The following MXI1 variants were observed in gnomAD, a reference collection of about 807,000 sequenced individuals.
The protein encoded by MXI1 is max-interacting protein 1.
MXI1 carries 18 observed loss-of-function variants against 36.9 expected under a neutral mutation model. The observed-to-expected ratio is 0.49, with a 90% CI of 0.34 to 0.72. The LOEUF (loss-of-function observed/expected upper bound fraction) is 0.72, where lower values mean the gene tolerates loss of function less well. Among genes scored for constraint, MXI1 ranks in the 30% least tolerant of loss-of-function variants. The probability of loss-of-function intolerance (pLI) is 0.01; values close to 1 mark genes in which losing one functional copy is unlikely to be tolerated. For synonymous variants in MXI1, 160 were observed against 146.7 expected (o/e 1.09, Z -0.65); for missense variants, 304 against 379.1 (o/e 0.80, Z 1.64).
intron 2 of MXI1, among the ~76,000 whole-genome samples, chr10:110,241,910 G>A (rs1412686376): frequency 6.6e-6 from 1 of 152,012 alleles, no homozygotes; most frequent in African/African-American, 2.4e-5. Context: ...TTTTACAGAT[G>A]AGGAAACTGT....
intron 1 of MXI1, chr10:110,210,241 G>A (rs1272495095): frequency 1.0e-6 from 1 of 985,014 alleles, no homozygotes; most frequent in Non-Finnish European, 1.2e-6. Flanking sequence ...CATCGCCCGA[G>A]GCGTCCGCCC....
intron 1 of MXI1, among the ~76,000 whole-genome samples, chr10:110,218,871 T>C (rs1323718141): frequency 6.6e-6 from 1 of 152,130 alleles, no homozygotes; most frequent in Non-Finnish European, 1.5e-5. Context: ...GAGAGGCAAG[T>C]GTGAGCTGCA....
intron 3 of MXI1, among the ~76,000 whole-genome samples, chr10:110,260,416 GGTGTGTGTGT>G (rs151334728): frequency 0.27 from 39,400 of 144,520 alleles, 5,710 homozygotes; most frequent in African/African-American, 0.39. Flanking sequence ...CCTTGATACA[GGTGTGTGTGT>G]GTGTGTGTGT....
At chr10:110,217,916 G>C (rs1854693756) in intron 1 of MXI1, among the ~76,000 whole-genome samples, 1 of 152,144 alleles carries the variant, frequency 6.6e-6, no homozygotes, top group Non-Finnish European at 1.5e-5. Context: ...TTTACTATGG[G>C]CCAGCACAAT....
chr10:110,226,449 TGTG>T (rs1296896430), intron 1 of MXI1: 2 of 240,060 alleles, frequency 8.3e-6, no homozygotes, highest in African/African-American at 1.1e-4. Context: ...AGCGCGCGTG[TGTG>T]GGGAGGGGCG....
At chr10:110,249,006 T>A (rs1020792360) in intron 3 of MXI1, among the ~76,000 whole-genome samples, 1 of 152,138 alleles carries the variant, frequency 6.6e-6, no homozygotes, top group African/African-American at 2.4e-5. Context: ...ATTTTTAAAA[T>A]TTAACCCTGT....
chr10:110,243,421 C>T (rs1464569867), intron 2 of MXI1, among the ~76,000 whole-genome samples: 1 of 151,966 alleles, frequency 6.6e-6, no homozygotes, highest in African/African-American at 2.4e-5. Context: ...GTCTTTTGGC[C>T]CTTAAGCTAA....
In MXI1 at chr10:110,208,047, C is replaced by T. The variant is rs1590315272; in HGVS notation, c.239C>T (p.Ala80Val). ...AACGTGCAGATTCTGCTCGAGGCCGCCAGCTACCTGGAGCAGATCGAGAAA... is the reference window on the plus strand; with the variant it reads ...AACGTGCAGATTCTGCTCGAGGCCGTCAGCTACCTGGAGCAGATCGAGAAA... ...LQNVQILLEA[A>V]SYLEQIEKEN... is the part of the protein sequence containing the mutation. The change falls in exon 1 of 6, where the codon GCC becomes GTC. Residue 80 changes from alanine (A) to valine (V), a missense_variant. By Grantham distance (64) the Ala-to-Val change is moderately conservative. Transcript: ENST00000332674. The T allele has an allele frequency of 6.2e-7, 1 of 1,601,858 alleles. No homozygotes were observed. The highest frequency in any genetic ancestry group is 1.1e-5 in the South Asian group (1 of 89,612).
intron 5 of MXI1, among the ~76,000 whole-genome samples, chr10:110,283,146 C>T (rs1857317418): frequency 6.6e-6 from 1 of 152,176 alleles, no homozygotes; most frequent in Non-Finnish European, 1.5e-5. Flanking sequence ...ATTTGGACAG[C>T]TGCCTACATT....
intron 5 of MXI1, among the ~76,000 whole-genome samples, chr10:110,283,264 C>CT (rs573643785): frequency 0.43 from 61,647 of 143,988 alleles, 15,606 homozygotes; most frequent in East Asian, 0.83. Flanking sequence ...CAAGAATCCA[C>CT]TTTTTTTTTT....
intron 2 of MXI1, among the ~76,000 whole-genome samples, chr10:110,239,084 G>A (rs920513319): frequency 9.9e-5 from 15 of 151,944 alleles, no homozygotes; most frequent in African/African-American, 2.4e-4. Flanking sequence ...CCTGTCCTTG[G>A]TTTTTATTAT....
At chr10:110,240,913 T>G (rs949170421) in intron 2 of MXI1, among the ~76,000 whole-genome samples, 2 of 152,026 alleles carry the variant, frequency 1.3e-5, no homozygotes, top group Admixed American at 1.3e-4. Context: ...GAAGAGAGTA[T>G]TGAAATTCTG....
Position 110,234,306 on chromosome 10 carries a change from T to A in MXI1, c.407+5985T>A, listed in dbSNP as rs11195040. Among the ~76,000 whole-genome samples, 8 of 152,312 alleles carry A rather than the reference T, an allele frequency of 5.3e-5. No individual in the cohort carries two copies. The East Asian group carries it at 1.5e-3, about 29-fold the overall frequency. On this transcript the variant is annotated intron_variant, in intron 2 of 5. Transcript: ENST00000332674. ...TAGATACTAATCTAATCAAAGAGGC[T>A]TGATGGTATGCTTTGACAGAGTGTA...
chr10:110,212,635 A>G (rs1165533679), intron 1 of MXI1, among the ~76,000 whole-genome samples: 1 of 152,138 alleles, frequency 6.6e-6, no homozygotes, highest in Non-Finnish European at 1.5e-5. Flanking sequence ...TTGCTACTCT[A>G]CTGCTTACTG....
In MXI1 at chr10:110,244,040, A is replaced by G. The variant is rs144893724; in HGVS notation, c.408-788A>G. On this transcript the variant is annotated intron_variant, in intron 2 of 5. Coordinates refer to ENST00000332674, the MANE Select transcript of MXI1 (RefSeq NM_130439.3). ...ATATTTCTTGACTTCTCTGAGCTTCAGTATTCTTGATTATAAAACAAAGGT... is the reference window on the plus strand; with the variant it reads ...ATATTTCTTGACTTCTCTGAGCTTCGGTATTCTTGATTATAAAACAAAGGT... Among the ~76,000 whole-genome samples the G allele has an allele frequency of 9.3e-4, 142 of 152,166 alleles. 1 individual carries two copies. The highest frequency in any genetic ancestry group is 3.4e-3 in the Middle Eastern group (1 of 294).
Position 110,285,956 on chromosome 10 carries a change from TA to T in MXI1, c.*970del, listed in dbSNP as rs1857418269. On this transcript the variant is annotated 3_prime_UTR_variant, in exon 6 of 6. Coordinates refer to ENST00000332674, the MANE Select transcript of MXI1 (RefSeq NM_130439.3). ...TTTAAAGCTTATCCATAAAAAAAAA[TA>T]GATGTCTTTTATAGTGGAAAAACAC... The T allele has an allele frequency of 6.6e-6, 1 of 152,508 alleles. No individual in the cohort carries two copies. Among genetic ancestry groups the T allele is most frequent in the African/African-American group, 2.4e-5 (1 of 41,400 alleles). 9.4% of individuals were successfully genotyped at this position (152,508 alleles called of 1,614,324 possible). A position where few individuals can be genotyped will look rare whatever the true frequency, so the allele number is the denominator to read the frequency against.
chr10:110,214,959 G>C (rs1854594893), intron 1 of MXI1, among the ~76,000 whole-genome samples: 1 of 151,680 alleles, frequency 6.6e-6, no homozygotes, highest in South Asian at 2.1e-4. Flanking sequence ...GGCAGAAATG[G>C]GGGAGCTTTA....
rs574205847 is a variant in MXI1 at position 110,251,816 on chromosome 10, A to G, written c.437+6959A>G. On this transcript the variant is annotated intron_variant, in intron 3 of 5. Coordinates refer to ENST00000332674, the MANE Select transcript of MXI1 (RefSeq NM_130439.3). The stretch of plus-strand genomic sequence containing the variant: ...ATGGAAGCAGGAATGTAGCATCATA[A>G]GCTGTGTTCAGGAAGGAGTGGGTAG... 2.6e-5 allele frequency among the ~76,000 whole-genome samples: 4 copies of G among 152,308 alleles called. No homozygotes were observed. In the East Asian group the frequency reaches 7.7e-4, roughly 29 times the overall value.
intron 1 of MXI1, chr10:110,208,740 G>GCCCCCCCCC (rs34161324): frequency 1.0e-5 from 1 of 95,768 alleles, no homozygotes; most frequent in Admixed American, 1.1e-4. Flanking sequence ...TGCCACCGCC[G>GCCCCCCCCC]CCCCCCCCCC....
Sources: allele counts gnomAD v4.1 joint callset (sites outside exome capture counted in the v4.1 genomes callset), GRCh38; gene constraint gnomAD v4.1.1; transcripts MANE v1.5; gene names NCBI Gene and HGNC (gene_info 2026-07-23, HGNC 2026-07-21).